The following KLHL29 variants were observed in gnomAD, a reference collection of about 807,000 sequenced individuals.
KLHL29 encodes kelch like family member 29.
In KLHL29, 21 loss-of-function variants were observed where a neutral mutation model predicts 80.4. The observed-to-expected ratio is 0.26, with a 90% CI of 0.19 to 0.38. KLHL29 has a LOEUF of 0.38. KLHL29 is among the 10% of genes least tolerant of loss of function. The pLI is 1.00. For missense variants in KLHL29, 867 were observed against 1,223.9 expected (o/e 0.71, Z 4.35); for synonymous variants, 511 against 526.8 (o/e 0.97, Z 0.41).
At chr2:23,422,561 C>T (rs1269054162) in intron 1 of KLHL29, among the ~76,000 whole-genome samples, 1 of 148,606 alleles carries the variant, frequency 6.7e-6, no homozygotes, top group Non-Finnish European at 1.5e-5. Context: ...TGTTGTGTGC[C>T]TGTGTATGTG....
intron 1 of KLHL29, among the ~76,000 whole-genome samples, chr2:23,460,228 A>G (rs1180057278): frequency 6.6e-6 from 1 of 152,142 alleles, no homozygotes; most frequent in Non-Finnish European, 1.5e-5. Context: ...TTGAGCATGT[A>G]TTATTTGCCA....
intron 3 of KLHL29, among the ~76,000 whole-genome samples, chr2:23,581,276 C>G (rs868172114): frequency 2.1e-4 from 32 of 152,206 alleles, no homozygotes; most frequent in African/African-American, 7.5e-4. Context: ...CCCCACTCCC[C>G]ACCCGGTCTT....
intron 2 of KLHL29, among the ~76,000 whole-genome samples, chr2:23,539,430 TCC>T (rs765613373): frequency 3.6e-5 from 2 of 55,448 alleles, no homozygotes; most frequent in African/African-American, 1.1e-4. Context: ...TTATCCTGCC[TCC>T]TTTTTTTTTT....
chr2:23,501,943 C>CTTAAT (rs1420158527), intron 2 of KLHL29, among the ~76,000 whole-genome samples: 1 of 152,128 alleles, frequency 6.6e-6, no homozygotes, highest in African/African-American at 2.4e-5. Flanking sequence ...TAACATGCAT[C>CTTAAT]TTAATTTAAT....
At chr2:23,555,308 A>G (rs1440405268) in intron 2 of KLHL29, among the ~76,000 whole-genome samples, 1 of 152,188 alleles carries the variant, frequency 6.6e-6, no homozygotes, top group Admixed American at 6.5e-5. Flanking sequence ...CTGTTGAGAC[A>G]TGAGGGTTCT....
intron 5 of KLHL29, among the ~76,000 whole-genome samples, chr2:23,645,986 AACTT>A (rs1358023022): frequency 6.6e-6 from 1 of 152,198 alleles, no homozygotes; most frequent in Non-Finnish European, 1.5e-5. Context: ...TTTCTTAAGA[AACTT>A]ACAAGACAAA....
chr2:23,571,004 A>T (rs1479809397), intron 3 of KLHL29, among the ~76,000 whole-genome samples: 8 of 152,212 alleles, frequency 5.3e-5, no homozygotes, highest in Non-Finnish European at 1.2e-4. Context: ...CATTCGGGCC[A>T]GCCCTGCGCC....
At chr2:23,639,670 GGACTGGGAATTAATTCGCCA>G (rs1177641434) in intron 4 of KLHL29, among the ~76,000 whole-genome samples, 1 of 120,912 alleles carries the variant, frequency 8.3e-6, no homozygotes, top group Non-Finnish European at 1.9e-5. Context: ...CTACCCTCGG[GGACTGGGAATTAATTCGCCA>G]GCTTGTACAA....
At chr2:23,541,269 G>A (rs1666826030) in intron 2 of KLHL29, among the ~76,000 whole-genome samples, 1 of 152,244 alleles carries the variant, frequency 6.6e-6, no homozygotes, top group Admixed American at 6.5e-5. Context: ...GGATGCACGG[G>A]TAGATGGATG....
intron 1 of KLHL29, among the ~76,000 whole-genome samples, chr2:23,455,092 AT>A (rs1236175653): frequency 6.6e-6 from 1 of 151,950 alleles, no homozygotes; most frequent in African/African-American, 2.4e-5. Flanking sequence ...ATTAAATAAG[AT>A]CACCCTTTGA....
intron 1 of KLHL29, among the ~76,000 whole-genome samples, chr2:23,454,887 G>C (rs555425910): frequency 1.2e-4 from 18 of 151,654 alleles, no homozygotes; most frequent in African/African-American, 4.1e-4. Context: ...AGATTAAACA[G>C]CCAGGTTGTC....
intron 5 of KLHL29, among the ~76,000 whole-genome samples, chr2:23,654,062 G>T (rs559799878): frequency 1.1e-4 from 16 of 152,246 alleles, no homozygotes; most frequent in African/African-American, 3.6e-4. Flanking sequence ...AGCTGCCTGG[G>T]AGGCTGAGGC....
At chr2:23,629,204 C>T (rs551351282) in intron 3 of KLHL29, among the ~76,000 whole-genome samples, 4 of 152,192 alleles carry the variant, frequency 2.6e-5, no homozygotes, top group East Asian at 3.9e-4. Context: ...CGCTCCTCCA[C>T]GTCCCTGTCT....
chr2:23,465,760 C>G (rs1227660595), intron 1 of KLHL29, among the ~76,000 whole-genome samples: 1 of 152,162 alleles, frequency 6.6e-6, no homozygotes, highest in African/African-American at 2.4e-5. Flanking sequence ...ATCTTTCAGG[C>G]ACCACCTTCC....
At chr2:23,474,616 C>T (rs1041499392) in intron 1 of KLHL29, among the ~76,000 whole-genome samples, 19 of 152,068 alleles carry the variant, frequency 1.2e-4, no homozygotes, top group East Asian at 3.9e-4. Context: ...GGATCACGTG[C>T]ATCTCTATCA....
chr2:23,400,780 G>A (rs538736611), intron 1 of KLHL29, among the ~76,000 whole-genome samples: 2 of 152,308 alleles, frequency 1.3e-5, no homozygotes, highest in South Asian at 4.1e-4. Context: ...GGTGCAATGA[G>A]CCAAGATTGC....
At chr2:23,523,659 A>G (rs968910826) in intron 2 of KLHL29, among the ~76,000 whole-genome samples, 2 of 152,130 alleles carry the variant, frequency 1.3e-5, no homozygotes, top group Non-Finnish European at 2.9e-5. Context: ...TGCCTTTGCC[A>G]TTATTCAGTT....
At chr2:23,411,098 A>G (rs1666848125) in intron 1 of KLHL29, among the ~76,000 whole-genome samples, 1 of 152,226 alleles carries the variant, frequency 6.6e-6, no homozygotes, top group Non-Finnish European at 1.5e-5. Context: ...TGCCAGGCAC[A>G]GTGGCATGGA....
At chr2:23,472,279 G>A (rs1382376301) in intron 1 of KLHL29, among the ~76,000 whole-genome samples, 2 of 152,102 alleles carry the variant, frequency 1.3e-5, no homozygotes, top group African/African-American at 2.4e-5. Flanking sequence ...CAAAGATGTC[G>A]GGAAGCAGGT....
Sources: allele counts gnomAD v4.1 joint callset (sites outside exome capture counted in the v4.1 genomes callset), GRCh38; gene constraint gnomAD v4.1.1; transcripts MANE v1.5; gene names NCBI Gene and HGNC (gene_info 2026-07-23, HGNC 2026-07-21).